The following DAB2IP variants were observed in gnomAD, a reference collection of about 807,000 sequenced individuals.
DAB2IP encodes the protein DAB2 interacting protein.
DAB2IP carries 28 observed loss-of-function variants against 107.2 expected under a neutral mutation model. The observed-to-expected ratio is 0.26, with a 90% CI of 0.19 to 0.36. DAB2IP has a LOEUF of 0.36. Ranked by LOEUF, DAB2IP falls within the 10% of genes least tolerant of loss-of-function variation. The probability of loss-of-function intolerance (pLI) is 1.00; values close to 1 mark genes in which losing one functional copy is unlikely to be tolerated. For synonymous variants in DAB2IP, 755 were observed against 706.4 expected, an observed-to-expected ratio of 1.07 and a Z score of -1.09; for missense variants, 1,400 against 1,644.7, an observed-to-expected ratio of 0.85 and a Z score of 2.57.
intron 1 of DAB2IP, among the ~76,000 whole-genome samples, chr9:121,595,187 G>T (rs1434672170): frequency 1.3e-5 from 2 of 151,830 alleles, no homozygotes; most frequent in African/African-American, 4.8e-5. Flanking sequence ...GGAAACTGAA[G>T]TTCAGAGTAG....
At chr9:121,761,439 G>T (rs1387129208) in intron 6 of DAB2IP, among the ~76,000 whole-genome samples, 1 of 152,236 alleles carries the variant, frequency 6.6e-6, no homozygotes, top group Non-Finnish European at 1.5e-5. Context: ...TTAGCTCTGG[G>T]TCGGGGAGGC....
chr9:121,753,443 C>T (rs1236722471), intron 3 of DAB2IP, among the ~76,000 whole-genome samples: 3 of 152,204 alleles, frequency 2.0e-5, no homozygotes, highest in Non-Finnish European at 4.4e-5. Context: ...TCCACCCCAG[C>T]CTTGGGCAGC....
In DAB2IP at chr9:121,659,044, G is replaced by A. The variant is rs184534359; in HGVS notation, c.124+7145G>A. Among the ~76,000 whole-genome samples, 724 of 152,322 alleles carry A rather than the reference G, an allele frequency of 4.8e-3. 7 individuals are homozygous for A. Among genetic ancestry groups the A allele is most frequent in the African/African-American group, 0.016 (658 of 41,566 alleles). On this transcript the variant is annotated intron_variant, in intron 1 of 15. Transcript: ENST00000408936. Reference sequence around the variant, plus strand: ...CCTTGGCCTTTGGAGGCGATGTGCCGACATAGTTGTGAAATGAAAAAAGGC... The same window carrying A: ...CCTTGGCCTTTGGAGGCGATGTGCCAACATAGTTGTGAAATGAAAAAAGGC...
chr9:121,567,644 CTT>C (rs1829839404), intron 1 of DAB2IP, among the ~76,000 whole-genome samples: 1 of 152,162 alleles, frequency 6.6e-6, no homozygotes, highest in South Asian at 2.1e-4. Flanking sequence ...AGGAACATAC[CTT>C]GTAATTAAAG....
At chr9:121,774,943 TGG>T (rs1303760058) in intron 13 of DAB2IP, among the ~76,000 whole-genome samples, 1 of 152,134 alleles carries the variant, frequency 6.6e-6, no homozygotes, top group Non-Finnish European at 1.5e-5. Context: ...GTTACCAGCT[TGG>T]GGGGTGGGGT....
chr9:121,782,208 C>T lies in DAB2IP; in HGVS notation c.3403-123C>T. ...CCTACCTTCTCTTGCCAGCTGCTCA[C>T]AGCCCGGAGCCTGCCTGCCACCCTC... On this transcript the variant is annotated intron_variant, in intron 15 of 15. Transcript: ENST00000408936. The surrounding 1 kb of genome is among the most constrained non-coding windows in gnomAD (Gnocchi z 6.1). The T allele has an allele frequency of 6.8e-7, 1 of 1,464,216 alleles. No individual in the cohort carries two copies. The highest frequency in any genetic ancestry group is 9.1e-7 in the Non-Finnish European group (1 of 1,101,136). The allele number at this position is 1,464,216 out of a possible 1,614,324, so 90.7% of individuals were successfully genotyped here. A position where few individuals can be genotyped will look rare whatever the true frequency, so the allele number is the denominator to read the frequency against.
chr9:121,612,302 T>C (rs1457897241), intron 1 of DAB2IP, among the ~76,000 whole-genome samples: 3 of 151,968 alleles, frequency 2.0e-5, no homozygotes, highest in Admixed American at 1.3e-4. Flanking sequence ...ACTCCCACTT[T>C]GGTAGCAGAG....
intron 9 of DAB2IP, among the ~76,000 whole-genome samples, chr9:121,768,220 G>GAGAT (rs1834428789): frequency 6.6e-6 from 1 of 152,184 alleles, no homozygotes; most frequent in African/African-American, 2.4e-5. Context: ...TCCAGGTCCT[G>GAGAT]AGATAAAAGG....
chr9:121,678,892 AGAGCATCCGGCCTCCCT>A, intron 2 of DAB2IP, 111 bp downstream of exon 2: 1 of 1,035,744 alleles, frequency 9.7e-7, no homozygotes, highest in Non-Finnish European at 1.3e-6. Context: ...ATGGACCCGG[AGAGCATCCGGCCTCCCT>A]TGCTCTAGGT....
intron 1 of DAB2IP, among the ~76,000 whole-genome samples, chr9:121,665,131 A>G: frequency 6.6e-6 from 1 of 152,230 alleles, no homozygotes; most frequent in East Asian, 1.9e-4. Flanking sequence ...TTAAAACCTT[A>G]TGCCTGTTTA....
intron 3 of DAB2IP, among the ~76,000 whole-genome samples, chr9:121,704,947 A>G (rs1829981369): frequency 6.6e-6 from 1 of 152,222 alleles, no homozygotes; most frequent in Non-Finnish European, 1.5e-5. Flanking sequence ...CTTGAGCCCC[A>G]TGGGCACCTT....
At chr9:121,645,627 A>G (rs1391555329) in intron 1 of DAB2IP, among the ~76,000 whole-genome samples, 3 of 152,120 alleles carry the variant, frequency 2.0e-5, no homozygotes, top group African/African-American at 7.2e-5. Flanking sequence ...GAGAGAGCCA[A>G]CCAGACCCTC....
intron 8 of DAB2IP, 124 bp downstream of exon 8, chr9:121,764,003 G>A (rs576040244): frequency 2.2e-6 from 3 of 1,364,988 alleles, no homozygotes; most frequent in Non-Finnish European, 3.0e-6. Flanking sequence ...CAGTCCCCTG[G>A]CCTAGTCCCT....
chr9:121,689,947 C>T (rs1564158402), intron 2 of DAB2IP, among the ~76,000 whole-genome samples: 1 of 152,238 alleles, frequency 6.6e-6, no homozygotes, highest in Admixed American at 6.5e-5. Context: ...TCTGGAGCAG[C>T]CTGTCTGCTG....
chr9:121,651,750 C>T lies in DAB2IP; in HGVS notation c.-26C>T. ...GGGCCCGTGTGAGCGCGCCCAGGCCCGGCCCGGTGCCCGGCGGGCGGCAGC... is the reference window on the plus strand; with the variant it reads ...GGGCCCGTGTGAGCGCGCCCAGGCCTGGCCCGGTGCCCGGCGGGCGGCAGC... On this transcript the variant is annotated 5_prime_UTR_variant, in exon 1 of 16. Transcript: ENST00000408936. This position sits in a 1 kb window ranked among gnomAD's most constrained non-coding sequence, Gnocchi z 5.1. 1 of 1,310,264 alleles carries T rather than the reference C, an allele frequency of 7.6e-7. No homozygotes were observed. The highest frequency in any genetic ancestry group is 9.8e-7 in the Non-Finnish European group (1 of 1,025,024). 81.2% of individuals were successfully genotyped at this position (1,310,264 alleles called of 1,614,324 possible).
At chr9:121,784,892 A>AGAGAACCTGAGTTCCCGGGAGC (rs1162377427) in exon 16 of DAB2IP, 23 of 152,492 alleles carry the variant, frequency 1.5e-4, no homozygotes, top group Non-Finnish European at 2.5e-4. Flanking sequence ...CCCAGGCCAC[A>AGAGAACCTGAGTTCCCGGGAGC]GAGAACCTGA....
chr9:121,760,287 C>T lies in DAB2IP; in HGVS notation c.1018C>T (p.Leu340=), dbSNP rs1195370791. ...GGCGCGCTACCAAACCATCACCATC[C>T]TGCCCATGGAGATGTACAAAGAGTT... The change falls in exon 6 of 16, where the codon CTG becomes TTG. Residue 340 remains leucine, a synonymous_variant. Transcript: ENST00000408936. The surrounding 1 kb of genome is among the most constrained non-coding windows in gnomAD (Gnocchi z 5.9). 2 of 1,613,912 alleles carry T rather than the reference C, an allele frequency of 1.2e-6. No homozygotes were observed. The highest frequency in any genetic ancestry group is 1.3e-5 in the African/African-American group (1 of 75,034).
At chr9:121,603,119 C>G (rs1215546603) in intron 1 of DAB2IP, among the ~76,000 whole-genome samples, 2 of 152,226 alleles carry the variant, frequency 1.3e-5, no homozygotes, top group Non-Finnish European at 2.9e-5. Flanking sequence ...CTCTGGCCCT[C>G]CCAGCCAGAA....
rs994100557 is a variant in DAB2IP, at chr9:121,599,227, C to T, written c.40+31999C>T. On this transcript the variant is annotated intron_variant, in intron 1 of 16. Coordinates refer to the DAB2IP transcript ENST00000259371. The surrounding 1 kb of genome is among the most constrained non-coding windows in gnomAD (Gnocchi z 6.9). Reference sequence around the variant, plus strand: ...GTCCCGTACCCTCATAGCGCCGAAACGGAAGCAGAGGTTATCTCTGGACTC... The same window carrying T: ...GTCCCGTACCCTCATAGCGCCGAAATGGAAGCAGAGGTTATCTCTGGACTC... Among the ~76,000 whole-genome samples the T allele has an allele frequency of 6.6e-6, 1 of 152,164 alleles. No homozygotes were observed. The highest frequency in any genetic ancestry group is 1.5e-5 in the Non-Finnish European group (1 of 68,014).
Sources: allele counts gnomAD v4.1 joint callset (sites outside exome capture counted in the v4.1 genomes callset), GRCh38; gene constraint gnomAD v4.1.1; non-coding constraint Gnocchi (gnomAD v3.1); transcripts MANE v1.5; gene names NCBI Gene and HGNC (gene_info 2026-07-23, HGNC 2026-07-21).